The following TEX9 variants were observed in gnomAD, a reference collection of about 807,000 sequenced individuals.
TEX9 encodes the protein testis-expressed protein 9.
In TEX9, 74 loss-of-function variants were observed where a neutral mutation model predicts 59.6. The observed-to-expected ratio is 1.24, with a 90% CI of 1.03 to 1.51. The LOEUF is 1.51. TEX9 is among the 40% of genes most tolerant of loss of function. The probability of loss-of-function intolerance (pLI) is 0.00; values close to 1 mark genes in which losing one functional copy is unlikely to be tolerated. For synonymous variants in TEX9, 186 were observed against 152.2 expected, an observed-to-expected ratio of 1.22 and a Z score of -1.64; for missense variants, 522 against 447.8, an observed-to-expected ratio of 1.17 and a Z score of -1.49.
chr15:56,367,879 A>G (rs1301544069), intron 2 of TEX9, among the ~76,000 whole-genome samples: 2 of 152,218 alleles, frequency 1.3e-5, no homozygotes, highest in African/African-American at 4.8e-5. Flanking sequence ...GTTTATATAC[A>G]CACAGATCTT....
intron 1 of TEX9, among the ~76,000 whole-genome samples, chr15:56,275,126 C>T (rs2044638876): frequency 2.0e-5 from 3 of 152,126 alleles, no homozygotes; most frequent in African/African-American, 7.2e-5. Context: ...TCCTTTCACT[C>T]CAGTACTAGC....
At chr15:56,371,179 A>G (rs2047176402) in intron 2 of TEX9, among the ~76,000 whole-genome samples, 1 of 152,188 alleles carries the variant, frequency 6.6e-6, no homozygotes, top group African/African-American at 2.4e-5. Flanking sequence ...ACTTCTGTTA[A>G]GTAGGAACAT....
intron 4 of TEX9, among the ~76,000 whole-genome samples, chr15:56,386,183 AC>A (rs2047953339): frequency 6.6e-6 from 1 of 152,042 alleles, no homozygotes. Flanking sequence ...AGGCTAAAAA[AC>A]GTCCATAATC....
chr15:56,370,105 T>G (rs1057282383), intron 2 of TEX9, among the ~76,000 whole-genome samples: 4 of 152,184 alleles, frequency 2.6e-5, no homozygotes, highest in African/African-American at 9.6e-5. Flanking sequence ...TTACATAACT[T>G]GAAGTTGTCT....
intron 12 of TEX9, among the ~76,000 whole-genome samples, chr15:56,430,535 G>C (rs1334246593): frequency 6.6e-6 from 1 of 152,140 alleles, no homozygotes; most frequent in Admixed American, 6.6e-5. Context: ...GTCACAGTGT[G>C]TCTCAGGTAT....
At chr15:56,319,289 G>A (rs1229458315) in intron 1 of TEX9, among the ~76,000 whole-genome samples, 1 of 151,496 alleles carries the variant, frequency 6.6e-6, no homozygotes, top group African/African-American at 2.4e-5. Flanking sequence ...ATTACTAAGT[G>A]GTTCAGATAT....
chr15:56,344,310 C>T (rs1200189863), intron 1 of TEX9, among the ~76,000 whole-genome samples: 1 of 152,022 alleles, frequency 6.6e-6, no homozygotes, highest in Non-Finnish European at 1.5e-5. Flanking sequence ...TGTGATATAT[C>T]TATATAATGG....
At chr15:56,306,280 G>GAAAAAAAAAAAAAAAAAAAAA (rs2045484308) in intron 1 of TEX9, among the ~76,000 whole-genome samples, 1 of 72,060 alleles carries the variant, frequency 1.4e-5, no homozygotes. Flanking sequence ...AAAAAAAAAG[G>GAAAAAAAAAAAAAAAAAAAAA]AAATCAGTGT....
chr15:56,358,913 A>G (rs2046739914), intron 1 of TEX9, among the ~76,000 whole-genome samples: 2 of 152,044 alleles, frequency 1.3e-5, no homozygotes, highest in Admixed American at 6.6e-5. Flanking sequence ...CACGTAAGAC[A>G]TGCCTGCTTC....
At chr15:56,378,358 T>A (rs1176435861) in intron 3 of TEX9, among the ~76,000 whole-genome samples, 1 of 152,126 alleles carries the variant, frequency 6.6e-6, no homozygotes, top group African/African-American at 2.4e-5. Flanking sequence ...GGGCTTTTCT[T>A]TACTGGGAAA....
intron 1 of TEX9, among the ~76,000 whole-genome samples, chr15:56,351,229 T>C (rs769794569): frequency 5.3e-5 from 6 of 113,874 alleles, no homozygotes; most frequent in Non-Finnish European, 7.9e-5. Context: ...AACGTTGTTC[T>C]GAAATTTATG....
chr15:56,348,819 C>T (rs1305859524), intron 1 of TEX9, among the ~76,000 whole-genome samples: 1 of 152,062 alleles, frequency 6.6e-6, no homozygotes, highest in Non-Finnish European at 1.5e-5. Flanking sequence ...TCTTCTGCCT[C>T]ATTCTGTCTT....
chr15:56,434,650 A>AT (rs1361864532), intron 12 of TEX9, among the ~76,000 whole-genome samples: 45 of 152,178 alleles, frequency 3.0e-4, no homozygotes, highest in Admixed American at 7.9e-4. Flanking sequence ...TCTACTCAGA[A>AT]TTAACACGTA....
At chr15:56,384,762 A>G (rs1269049994) in intron 4 of TEX9, among the ~76,000 whole-genome samples, 1 of 152,196 alleles carries the variant, frequency 6.6e-6, no homozygotes, top group Non-Finnish European at 1.5e-5. Context: ...GAATTTAGTA[A>G]AACTATCATC....
At chr15:56,300,742 A>AGAGAGAGAGAGAGAGAGAGAGG (rs1378888730) in intron 1 of TEX9, among the ~76,000 whole-genome samples, 1 of 145,054 alleles carries the variant, frequency 6.9e-6, no homozygotes, top group Admixed American at 7.1e-5. Context: ...AGAGAGAGAG[A>AGAGAGAGAGAGAGAGAGAGAGG]GAGACTTCAT....
At chr15:56,248,775 TAAAG>T (rs1347921129) in intron 1 of TEX9, 1 of 152,176 alleles carries the variant, frequency 6.6e-6, no homozygotes, top group East Asian at 1.9e-4. Context: ...CAGAAGCAGA[TAAAG>T]AAAAACACTA....
At chr15:56,284,286 A>G (rs947480500) in intron 1 of TEX9, among the ~76,000 whole-genome samples, 1 of 152,090 alleles carries the variant, frequency 6.6e-6, no homozygotes, top group African/African-American at 2.4e-5. Context: ...CGTGAGCCAC[A>G]ATGCCCAGCT....
chr15:56,432,848 T>G (rs1596252053), intron 12 of TEX9, among the ~76,000 whole-genome samples: 1 of 152,280 alleles, frequency 6.6e-6, no homozygotes, highest in East Asian at 1.9e-4. Flanking sequence ...GACTCCTACT[T>G]TGTATAGTTT....
chr15:56,448,849 G>C (rs1431548761), downstream of TEX9, among the ~76,000 whole-genome samples: 1 of 151,006 alleles, frequency 6.6e-6, no homozygotes, highest in Non-Finnish European at 1.5e-5. Flanking sequence ...CGCCACCCAG[G>C]TTCACGCGAT....
Sources: gnomAD v4.1 joint callset for allele counts (sites outside exome capture counted in the v4.1 genomes callset) on GRCh38, gnomAD v4.1.1 for gene constraint, MANE v1.5 for transcripts, NCBI Gene and HGNC (gene_info 2026-07-23, HGNC 2026-07-21) for gene names.